BCKDHB: variants seen among roughly 807,000 people sequenced by gnomAD.
The protein encoded by BCKDHB is branched chain keto acid dehydrogenase E1 subunit beta.
In BCKDHB, 41 loss-of-function variants were observed where a neutral mutation model predicts 48.5. The observed-to-expected ratio is 0.85, with a 90% CI of 0.66 to 1.10. BCKDHB has a LOEUF of 1.10. Among genes scored for constraint, BCKDHB ranks in the 50% least tolerant of loss-of-function variants. The probability of loss-of-function intolerance (pLI) is 0.00; values close to 1 mark genes in which losing one functional copy is unlikely to be tolerated. For missense variants in BCKDHB, 496 were observed against 494.2 expected (o/e 1.00, Z -0.03); for synonymous variants, 201 against 174.8 (o/e 1.15, Z -1.18).
In BCKDHB at chr6:80,345,055, A is replaced by G. The variant is rs1392191396; in HGVS notation, c.*1251A>G. 2 of 152,152 alleles carry G rather than the reference A, an allele frequency of 1.3e-5. No individual in the cohort carries two copies. The highest frequency in any genetic ancestry group is 2.9e-5 in the Non-Finnish European group (2 of 68,024). 9.4% of individuals were successfully genotyped at this position (152,152 alleles called of 1,614,324 possible). On this transcript the variant is annotated 3_prime_UTR_variant, in exon 10 of 10. Coordinates refer to ENST00000320393, the MANE Select transcript of BCKDHB (RefSeq NM_183050.4). The stretch of plus-strand genomic sequence containing the variant: ...CCAGAAGCTTTTTTAACAAGTGAAT[A>G]TTTTTTACATAATGGATAATAAATG...
chr6:80,353,040 C>T, the BCKDHB span, among the ~76,000 whole-genome samples: 4 of 152,196 alleles, frequency 2.6e-5, no homozygotes, highest in Non-Finnish European at 5.9e-5. Context: ...AGTGATTTCT[C>T]ATCATTCACT....
At chr6:80,258,364 T>C (rs1777147455) in intron 8 of BCKDHB, among the ~76,000 whole-genome samples, 1 of 152,164 alleles carries the variant, frequency 6.6e-6, no homozygotes, top group African/African-American at 2.4e-5. Flanking sequence ...GAAGGGGCAA[T>C]GGGTTGAGAC....
At chr6:80,179,607 C>CAA (rs1405745745) in intron 6 of BCKDHB, among the ~76,000 whole-genome samples, 3 of 152,132 alleles carry the variant, frequency 2.0e-5, no homozygotes, top group Admixed American at 2.0e-4. Flanking sequence ...ACCAAACCCC[C>CAA]ATGCATACCA....
In BCKDHB at chr6:80,128,502, A is replaced by G. The variant is rs186286546; in HGVS notation, c.275-659A>G. Reference sequence around the variant, plus strand: ...TTAAAGCTCCTGCCAATTTCCACCTACACCATTCTTTGCCTTGCTTACTGT... The same window carrying G: ...TTAAAGCTCCTGCCAATTTCCACCTGCACCATTCTTTGCCTTGCTTACTGT... On this transcript the variant is annotated intron_variant, in intron 2 of 9. Transcript: ENST00000320393. Among the ~76,000 whole-genome samples the G allele has an allele frequency of 2.0e-3, 300 of 152,178 alleles. 3 individuals are homozygous for G. The highest frequency in any genetic ancestry group is 1.0e-3 in the Non-Finnish European group (68 of 68,004).
At chr6:80,443,216 T>C in the BCKDHB span, 2 of 152,054 alleles carry the variant, frequency 1.3e-5, no homozygotes, top group African/African-American at 4.8e-5. Flanking sequence ...GTAGGGAGGC[T>C]GAAAAAAAAC....
At chr6:80,245,832 T>C (rs1414702339) in intron 8 of BCKDHB, among the ~76,000 whole-genome samples, 3 of 152,066 alleles carry the variant, frequency 2.0e-5, no homozygotes, top group Non-Finnish European at 4.4e-5. Flanking sequence ...TCCCAGCACG[T>C]TGGGAGGCCG....
At chr6:80,358,374 A>G in the BCKDHB span, among the ~76,000 whole-genome samples, 2 of 152,068 alleles carry the variant, frequency 1.3e-5, no homozygotes, top group Non-Finnish European at 1.5e-5. Flanking sequence ...TAAAAGTTTT[A>G]CTGTGTCCTC....
chr6:80,153,390 T>C (rs1237091457), intron 3 of BCKDHB, among the ~76,000 whole-genome samples: 1 of 151,996 alleles, frequency 6.6e-6, no homozygotes, highest in Non-Finnish European at 1.5e-5. Flanking sequence ...TATTGTTGAG[T>C]GATTCAAGGT....
intron 9 of BCKDHB, among the ~76,000 whole-genome samples, chr6:80,281,027 CGTGTGT>C (rs70981415): frequency 2.0e-5 from 3 of 147,316 alleles, no homozygotes; most frequent in East Asian, 2.0e-4. Flanking sequence ...CAGGTGTATG[CGTGTGT>C]GTGTGTGTGT....
At chr6:80,271,663 TG>T (rs1296158543) in intron 8 of BCKDHB, among the ~76,000 whole-genome samples, 1 of 152,084 alleles carries the variant, frequency 6.6e-6, no homozygotes, top group African/African-American at 2.4e-5. Flanking sequence ...CCAGATAGCT[TG>T]GATGGATTTT....
At chr6:80,126,839 T>C (rs575529772) in intron 1 of BCKDHB, among the ~76,000 whole-genome samples, 10 of 152,132 alleles carry the variant, frequency 6.6e-5, no homozygotes, top group African/African-American at 1.2e-4. Context: ...AAGGTGAAGA[T>C]AGAAGGACAT....
At chr6:80,263,810 G>C (rs1175496344) in intron 8 of BCKDHB, among the ~76,000 whole-genome samples, 1 of 152,080 alleles carries the variant, frequency 6.6e-6, no homozygotes, top group African/African-American at 2.4e-5. Context: ...GTTTTGGTTA[G>C]GGTCACTTTC....
chr6:80,322,955 C>G (rs1345580284), intron 9 of BCKDHB, among the ~76,000 whole-genome samples: 1 of 125,334 alleles, frequency 8.0e-6, no homozygotes, highest in East Asian at 2.7e-4. Flanking sequence ...AATTTTTTAA[C>G]TAATCTTGAT....
intron 3 of BCKDHB, among the ~76,000 whole-genome samples, chr6:80,147,996 AG>A (rs966410848): frequency 6.6e-6 from 1 of 152,176 alleles, no homozygotes; most frequent in African/African-American, 2.4e-5. Flanking sequence ...TACAATTAGG[AG>A]GCCATTGGTA....
At chr6:80,338,880 C>G (rs1769740886) in intron 9 of BCKDHB, among the ~76,000 whole-genome samples, 1 of 152,066 alleles carries the variant, frequency 6.6e-6, no homozygotes, top group South Asian at 2.1e-4. Context: ...AATTGTAATA[C>G]TTCTATTTTG....
chr6:80,203,943 T>C (rs1774517047), intron 8 of BCKDHB, among the ~76,000 whole-genome samples: 1 of 138,262 alleles, frequency 7.2e-6, no homozygotes, highest in Non-Finnish European at 1.5e-5. Context: ...TGTAATAGTC[T>C]TATCAATTAA....
intron 6 of BCKDHB, among the ~76,000 whole-genome samples, chr6:80,176,336 TG>T (rs1773154537): frequency 6.6e-6 from 1 of 152,166 alleles, no homozygotes; most frequent in South Asian, 2.1e-4. Context: ...ATTAGAACGC[TG>T]CAGAGTTCAA....
chr6:80,278,744 G>A (rs1778070299), intron 9 of BCKDHB, among the ~76,000 whole-genome samples: 1 of 151,968 alleles, frequency 6.6e-6, no homozygotes, highest in Non-Finnish European at 1.5e-5. Context: ...TTTTTAGTAG[G>A]CACGAGGTTT....
the BCKDHB span, among the ~76,000 whole-genome samples, chr6:80,352,912 T>C: frequency 6.6e-6 from 1 of 152,250 alleles, no homozygotes; most frequent in Non-Finnish European, 1.5e-5. Context: ...TATTTTGTTT[T>C]TAATTTTTAT....
Sources: allele counts gnomAD v4.1 joint callset (sites outside exome capture counted in the v4.1 genomes callset), GRCh38; gene constraint gnomAD v4.1.1; transcripts MANE v1.5; gene names NCBI Gene and HGNC (gene_info 2026-07-23, HGNC 2026-07-21).